The following JADE1 variants were observed in gnomAD, a reference collection of about 807,000 sequenced individuals.
The protein encoded by JADE1 is protein Jade-1.
JADE1 carries 14 observed loss-of-function variants against 81.8 expected under a neutral mutation model. The observed-to-expected ratio is 0.17, with a 90% CI of 0.11 to 0.27. The LOEUF is 0.27. Ranked by LOEUF, JADE1 falls within the 10% of genes least tolerant of loss-of-function variation. The pLI, the probability that JADE1 is intolerant of heterozygous loss-of-function variation, is 1.00. For missense variants in JADE1, 690 were observed against 1,047.9 expected (o/e 0.66, Z 4.71); for synonymous variants, 353 against 391.9 (o/e 0.90, Z 1.17).
rs571460958 is a variant in JADE1, at chr4:128,812,065, C to T, written c.-27+2188C>T. 11 of 152,130 alleles carry T rather than the reference C, an allele frequency of 7.2e-5. No individual in the cohort carries two copies. In the South Asian group the frequency reaches 2.2e-3, roughly 31 times the overall value. 9.4% of individuals were successfully genotyped at this position (152,130 alleles called of 1,614,324 possible). On this transcript the variant is annotated intron_variant, in intron 1 of 10. Coordinates refer to ENST00000226319, the MANE Select transcript of JADE1 (RefSeq NM_199320.4). ...TGGACGCGAGGGAGCGTTTGATTTG[C>T]AACTGGGGCCGAGCGGATTGGTGCA...
intron 1 of JADE1, among the ~76,000 whole-genome samples, chr4:128,816,627 C>T (rs374009695): frequency 1.3e-5 from 2 of 152,210 alleles, no homozygotes; most frequent in Non-Finnish European, 2.9e-5. Context: ...ACTGGAAAGC[C>T]TTTATCACTA....
chr4:128,854,111 TA>T (rs1303787177), intron 6 of JADE1, among the ~76,000 whole-genome samples: 1 of 152,146 alleles, frequency 6.6e-6, no homozygotes, highest in African/African-American at 2.4e-5. Flanking sequence ...TTTTTTTGAG[TA>T]AAAGCTTTCT....
chr4:128,809,787 G>A lies in JADE1; in HGVS notation c.-117G>A, dbSNP rs1040666555. The A allele has an allele frequency of 6.6e-6, 1 of 151,970 alleles. No individual in the cohort carries two copies. Among genetic ancestry groups the A allele is most frequent in the Non-Finnish European group, 1.5e-5 (1 of 67,994 alleles). The allele number at this position is 151,970 out of a possible 1,614,324, so 9.4% of individuals were successfully genotyped here. On this transcript the variant is annotated 5_prime_UTR_variant, in exon 1 of 11. Coordinates refer to ENST00000226319, the MANE Select transcript of JADE1 (RefSeq NM_199320.4). ...CGCCGGCGAGAGCAGGGGCCCGCCC[G>A]GCTCCCCGCCCGCCGCGGCCCGAAC...
At position 128,872,415 on chromosome 4, in the gene JADE1, T is replaced by A; in HGVS notation, c.*153T>A. ...ATTAATTTTTTTCCAGAGTCATTTT[T>A]AAATCATTTTTGTGAGAAGTTTGTG... On this transcript the variant is annotated 3_prime_UTR_variant, in exon 11 of 11. Transcript: ENST00000226319. 4 of 665,410 alleles carry A rather than the reference T, an allele frequency of 6.0e-6. No homozygotes were observed. The highest frequency in any genetic ancestry group is 5.0e-6 in the Non-Finnish European group (2 of 402,704). The allele number at this position is 665,410 out of a possible 1,614,324, so 41.2% of individuals were successfully genotyped here. A position where few individuals can be genotyped will look rare whatever the true frequency, so the allele number is the denominator to read the frequency against.
rs776716046 is a variant in JADE1, at chr4:128,861,897, C to G, written c.1175C>G (p.Ser392Cys). The G allele has an allele frequency of 2.5e-6, 4 of 1,613,824 alleles. No homozygotes were observed. The highest frequency in any genetic ancestry group is 3.4e-6 in the Non-Finnish European group (4 of 1,179,862). Residue 392 changes from serine (S) to cysteine (C), a missense_variant, in exon 9 of 11, where the codon TCC (serine) becomes TGC (cysteine). Around this residue, in one of 8 missense-constraint regions of JADE1, gnomAD observed 77 missense variants for 76.4 expected, o/e 1.01. Transcript: ENST00000226319. ...CAGGAGAATGGGGCCCCTGAGTGTT[C>G]CCCCCGGAATCCGCTGGAGCCCTTT... is the stretch of plus-strand genomic sequence containing the variant. Reference protein sequence around the residue: ...AAQENGAPECSPRNPLEPFAS... With the variant: ...AAQENGAPECCPRNPLEPFAS...
chr4:128,861,667 A>G (rs1257563726), intron 8 of JADE1, 37 bp from the exon 9 acceptor site: 2 of 1,600,618 alleles, frequency 1.2e-6, no homozygotes, highest in East Asian at 2.2e-5. Flanking sequence ...TTGCTCTATA[A>G]TGGTCTATTC....
At chr4:128,813,677 T>C (rs1726714787) in intron 1 of JADE1, among the ~76,000 whole-genome samples, 1 of 151,930 alleles carries the variant, frequency 6.6e-6, no homozygotes. Context: ...CGCCCCGGCC[T>C]CTCAAAGTGC....
At chr4:128,839,273 A>G (rs1212708255) in intron 2 of JADE1, among the ~76,000 whole-genome samples, 1 of 152,212 alleles carries the variant, frequency 6.6e-6, no homozygotes, top group Non-Finnish European at 1.5e-5. Flanking sequence ...GCTCCTGGAG[A>G]TGGAAGGCAG....
At chr4:128,849,379 C>T (rs540461509) in intron 5 of JADE1, among the ~76,000 whole-genome samples, 3 of 152,254 alleles carry the variant, frequency 2.0e-5, no homozygotes, top group South Asian at 2.1e-4. Context: ...CAAGGCTCCT[C>T]GGCTCAGGCA....
intron 1 of JADE1, among the ~76,000 whole-genome samples, chr4:128,826,553 A>G (rs1728090876): frequency 6.9e-6 from 1 of 144,796 alleles, no homozygotes; most frequent in African/African-American, 2.6e-5. Flanking sequence ...TTTTTTCAGT[A>G]GAGACGGGGT....
rs895116372 is a variant in JADE1 at position 128,872,475 on chromosome 4, A to C, written c.*213A>C. The C allele has an allele frequency of 1.3e-5, 7 of 554,580 alleles. No homozygotes were observed. In the South Asian group the frequency reaches 1.7e-4, roughly 14 times the overall value. The allele number at this position is 554,580 out of a possible 1,614,324, so 34.4% of individuals were successfully genotyped here. A position where few individuals can be genotyped will look rare whatever the true frequency, so the allele number is the denominator to read the frequency against. ...ACTTGTTGAGGAAACAGAAGAGTAG[A>C]TTGTAACCATAAGACACTGCTAAGA... On this transcript the variant is annotated 3_prime_UTR_variant, in exon 11 of 11. Transcript: ENST00000226319.
intron 10 of JADE1, among the ~76,000 whole-genome samples, chr4:128,870,012 T>G (rs1296001835): frequency 6.6e-6 from 1 of 152,008 alleles, no homozygotes; most frequent in African/African-American, 2.4e-5. Context: ...GAGAGTGTCC[T>G]CAGTGGCAAC....
At chr4:128,857,087 G>C (rs1015822652) in intron 7 of JADE1, among the ~76,000 whole-genome samples, 15 of 152,200 alleles carry the variant, frequency 9.9e-5, no homozygotes, top group Admixed American at 1.3e-4. Context: ...GCTCCGGTGA[G>C]AAGTGAAAAC....
chr4:128,858,752 A>T (rs1300416466), intron 8 of JADE1, among the ~76,000 whole-genome samples: 1 of 151,820 alleles, frequency 6.6e-6, no homozygotes, highest in African/African-American at 2.4e-5. Flanking sequence ...ACAGGCGCGC[A>T]CCAGCAAGCC....
intron 9 of JADE1, chr4:128,863,140 C>G (rs117204581): frequency 4.1e-6 from 4 of 985,438 alleles, no homozygotes; most frequent in Non-Finnish European, 4.8e-6. Flanking sequence ...GTGCCTCCCC[C>G]ACTTTCCATC....
intron 1 of JADE1, among the ~76,000 whole-genome samples, chr4:128,813,788 A>C (rs1726729199): frequency 6.6e-6 from 1 of 151,896 alleles, no homozygotes; most frequent in East Asian, 1.9e-4. Flanking sequence ...CAAAGTTTGG[A>C]TACTTCTATA....
intron 1 of JADE1, among the ~76,000 whole-genome samples, chr4:128,814,217 T>C (rs528548927): frequency 3.9e-5 from 6 of 152,086 alleles, no homozygotes; most frequent in Non-Finnish European, 7.4e-5. Flanking sequence ...CCTATTGGAG[T>C]TTGAGGAAAT....
rs1273534976 is a variant in JADE1 at position 128,868,342 on chromosome 4, A to C, written c.1621+369A>C. Among the ~76,000 whole-genome samples, 3 of 152,232 alleles carry C rather than the reference A, an allele frequency of 2.0e-5. No homozygotes were observed. In the South Asian group the frequency reaches 6.2e-4, roughly 32 times the overall value. On this transcript the variant is annotated intron_variant, in intron 10 of 10. Coordinates refer to ENST00000226319, the MANE Select transcript of JADE1 (RefSeq NM_199320.4). The stretch of plus-strand genomic sequence containing the variant: ...AGTACTTGGTAAACACATCATGGGG[A>C]TACCTAACAGGTTTATATTCAGCCT...
chr4:128,829,990 G>A (rs57153966), intron 1 of JADE1, among the ~76,000 whole-genome samples: 3,384 of 151,532 alleles, frequency 0.022, 111 homozygotes, highest in African/African-American at 0.074. Context: ...TGATTCTCCT[G>A]CTTGAGCCTC....
Sources: gnomAD v4.1 joint callset for allele counts (sites outside exome capture counted in the v4.1 genomes callset) on GRCh38, gnomAD v4.1.1 for gene constraint, gnomAD v4.1.1 regional missense constraint, MANE v1.5 for transcripts, NCBI Gene and HGNC (gene_info 2026-07-23, HGNC 2026-07-21) for gene names.